DLGAP4: variants seen among roughly 807,000 people sequenced by gnomAD.
The protein encoded by DLGAP4 is disks large-associated protein 4.
Under a neutral mutation model 86.9 loss-of-function variants are expected in DLGAP4, and 18 were observed. The observed-to-expected ratio is 0.21, with a 90% CI of 0.14 to 0.31. DLGAP4 has a LOEUF of 0.31. DLGAP4 is among the 10% of genes least tolerant of loss of function. The probability of loss-of-function intolerance (pLI) is 1.00; values close to 1 mark genes in which losing one functional copy is unlikely to be tolerated. For synonymous variants in DLGAP4, 548 were observed against 574.3 expected (o/e 0.95, Z 0.65); for missense variants, 1,085 against 1,362.6 (o/e 0.80, Z 3.21).
intron 2 of DLGAP4, among the ~76,000 whole-genome samples, chr20:36,427,175 C>T (rs1420776424): frequency 2.0e-5 from 3 of 151,640 alleles, no homozygotes; most frequent in Admixed American, 6.6e-5. Flanking sequence ...AGAGCGAGAC[C>T]CTGTCTCAAA....
intron 2 of DLGAP4, among the ~76,000 whole-genome samples, chr20:36,397,096 G>A (rs2032022786): frequency 6.6e-6 from 1 of 152,174 alleles, no homozygotes. Context: ...TGGGGAAGAA[G>A]GTCCCTAAGG....
rs567432170 is a variant in DLGAP4, at chr20:36,440,723, G to T, written c.1356+855G>T. Among the ~76,000 whole-genome samples, 11 of 152,186 alleles carry T rather than the reference G, an allele frequency of 7.2e-5. No individual in the cohort carries two copies. In the South Asian group the frequency reaches 2.3e-3, roughly 32 times the overall value. ...CTCGGCACTTTAGGGTTTGCAAAGG[G>T]AGAACCAGGCAGGACTAAAAGGCAC... On this transcript the variant is annotated intron_variant, in intron 5 of 12. Coordinates refer to ENST00000339266, the MANE Select transcript of DLGAP4 (RefSeq NM_001365621.2).
chr20:36,428,031 CT>C (rs1342093269), intron 2 of DLGAP4, among the ~76,000 whole-genome samples: 1 of 152,114 alleles, frequency 6.6e-6, no homozygotes, highest in Non-Finnish European at 1.5e-5. Flanking sequence ...AAATATATAG[CT>C]TTTCTGTGAC....
intron 7 of DLGAP4, among the ~76,000 whole-genome samples, chr20:36,464,850 C>CA (rs745819855): frequency 1.4e-3 from 183 of 129,054 alleles, no homozygotes; most frequent in East Asian, 5.6e-3. Context: ...AACTCTGTCT[C>CA]AAAAAAAAAA....
intron 1 of DLGAP4, among the ~76,000 whole-genome samples, chr20:36,340,792 G>T (rs556114953): frequency 1.4e-4 from 21 of 152,322 alleles, no homozygotes; most frequent in African/African-American, 4.8e-4. Context: ...GGGGCTGTCG[G>T]GAGCCAAAGA....
At chr20:36,330,715 G>A (rs1275101314) in intron 1 of DLGAP4, among the ~76,000 whole-genome samples, 1 of 151,990 alleles carries the variant, frequency 6.6e-6, no homozygotes, top group African/African-American at 2.4e-5. Context: ...TGGGACTATA[G>A]GCGCCCGCCA....
intron 1 of DLGAP4, among the ~76,000 whole-genome samples, chr20:36,327,784 G>A (rs1444226419): frequency 1.4e-5 from 2 of 147,488 alleles, no homozygotes; most frequent in African/African-American, 4.9e-5. Flanking sequence ...GTAGAGACGG[G>A]GTTTCACCGT....
At chr20:36,414,036 C>T (rs990394455) in intron 2 of DLGAP4, among the ~76,000 whole-genome samples, 2 of 152,178 alleles carry the variant, frequency 1.3e-5, no homozygotes, top group Non-Finnish European at 2.9e-5. Flanking sequence ...GCCTGGTTTA[C>T]AAGCTCTTTC....
chr20:36,501,022 C>G lies in DLGAP4; in HGVS notation c.2512+411C>G, dbSNP rs148610678. 8.6e-5 allele frequency among the ~76,000 whole-genome samples: 13 copies of G among 151,384 alleles called. No homozygotes were observed. The East Asian group carries it at 2.5e-3, about 29-fold the overall frequency. Reference sequence around the variant, plus strand: ...GCATGTGAAGGGCCTGATGACCTGTCAGACACAGAGAAAAGTGGGAGCCTA... The same window carrying G: ...GCATGTGAAGGGCCTGATGACCTGTGAGACACAGAGAAAAGTGGGAGCCTA... On this transcript the variant is annotated intron_variant, in intron 10 of 12. Transcript: ENST00000339266.
chr20:36,523,658 G>A (rs1354767419), intron 10 of DLGAP4, among the ~76,000 whole-genome samples: 2 of 152,112 alleles, frequency 1.3e-5, no homozygotes, highest in Admixed American at 1.3e-4. Flanking sequence ...AAATATTTAT[G>A]AGTCTAATCA....
intron 1 of DLGAP4, among the ~76,000 whole-genome samples, chr20:36,324,512 AGGTAGG>A (rs1290263092): frequency 3.9e-5 from 6 of 152,130 alleles, no homozygotes; most frequent in African/African-American, 1.4e-4. Flanking sequence ...GCCTGGTGTG[AGGTAGG>A]GGTCAAATTT....
intron 7 of DLGAP4, among the ~76,000 whole-genome samples, chr20:36,460,741 G>A (rs1336861303): frequency 6.6e-6 from 1 of 152,200 alleles, no homozygotes; most frequent in Non-Finnish European, 1.5e-5. Flanking sequence ...GCGAGGAGGC[G>A]TGAAGGCACC....
Position 36,528,493 on chromosome 20 carries a change from T to C in DLGAP4, c.*1462T>C, listed in dbSNP as rs2037908863. ...ACCAAGGGTCTGCTCCGGGGCCCAT[T>C]TCCAGCTTGGCCGCCGTCTGTGACC... On this transcript the variant is annotated 3_prime_UTR_variant, in exon 13 of 13. Coordinates refer to ENST00000339266, the MANE Select transcript of DLGAP4 (RefSeq NM_001365621.2). The C allele has an allele frequency of 6.6e-6, 1 of 151,232 alleles. No homozygotes were observed. The highest frequency in any genetic ancestry group is 2.4e-5 in the African/African-American group (1 of 41,048). The allele number at this position is 151,232 out of a possible 1,614,324, so 9.4% of individuals were successfully genotyped here.
intron 2 of DLGAP4, among the ~76,000 whole-genome samples, chr20:36,412,978 T>A: frequency 8.5e-6 from 1 of 118,012 alleles, no homozygotes; most frequent in Admixed American, 1.1e-4. Context: ...AGAACTCTTT[T>A]CTTTTTTTTT....
At chr20:36,513,012 C>T (rs901042287) in intron 10 of DLGAP4, among the ~76,000 whole-genome samples, 1 of 121,446 alleles carries the variant, frequency 8.2e-6, no homozygotes. Flanking sequence ...AGTGCAGCGG[C>T]GCAATTTTGG....
intron 2 of DLGAP4, among the ~76,000 whole-genome samples, chr20:36,421,285 G>A (rs1447311858): frequency 3.3e-5 from 5 of 151,872 alleles, no homozygotes; most frequent in Non-Finnish European, 5.9e-5. Context: ...GTGAACCCCC[G>A]TGTCTGCTAA....
intron 2 of DLGAP4, among the ~76,000 whole-genome samples, chr20:36,387,641 G>A (rs960281638): frequency 2.0e-5 from 3 of 151,968 alleles, no homozygotes; most frequent in African/African-American, 7.3e-5. Context: ...GTTTCATATT[G>A]AGATATTTAA....
intron 2 of DLGAP4, among the ~76,000 whole-genome samples, chr20:36,386,723 A>T (rs907383055): frequency 6.6e-6 from 1 of 151,988 alleles, no homozygotes; most frequent in Admixed American, 6.6e-5. Context: ...TACCTGGGGG[A>T]CTATAGGTGT....
intron 7 of DLGAP4, chr20:36,492,959 C>T (rs1038851019): frequency 6.6e-6 from 1 of 152,136 alleles, no homozygotes; most frequent in African/African-American, 2.4e-5. Flanking sequence ...TTGGTGGAAA[C>T]TGTCCCTGGG....
Sources: gnomAD v4.1 joint callset for allele counts (sites outside exome capture counted in the v4.1 genomes callset) on GRCh38, gnomAD v4.1.1 for gene constraint, MANE v1.5 for transcripts, NCBI Gene and HGNC (gene_info 2026-07-23, HGNC 2026-07-21) for gene names.